The following EMC2 variants were observed in gnomAD, a reference collection of about 807,000 sequenced individuals.
The protein encoded by EMC2 is TPR repeat protein 35.
A neutral mutation model predicts 51.6 loss-of-function variants in EMC2; 37 were observed. The ratio of observed to expected loss-of-function variants is 0.72; its 90% CI spans 0.55 to 0.94. EMC2 has a LOEUF of 0.94. Among genes scored for constraint, EMC2 ranks in the 40% least tolerant of loss-of-function variants. The pLI, the probability that EMC2 is intolerant of heterozygous loss-of-function variation, is 0.00. For missense variants in EMC2, 359 were observed against 350.9 expected (o/e 1.02, Z -0.18); for synonymous variants, 131 against 112.4 (o/e 1.17, Z -1.04).
chr8:108,455,406 C>CT (rs1819126049), intron 4 of EMC2, among the ~76,000 whole-genome samples: 1 of 151,998 alleles, frequency 6.6e-6, no homozygotes, highest in Non-Finnish European at 1.5e-5. Context: ...TCTTTTGATT[C>CT]TTTTTTAGAG....
In EMC2 at chr8:108,449,898, A is replaced by T; in HGVS notation, c.116A>T (p.Glu39Val). 6.3e-7 allele frequency: 1 copy of T among 1,588,760 alleles called. No homozygotes were observed. Among genetic ancestry groups the T allele is most frequent in the South Asian group, 1.1e-5 (1 of 90,462 alleles). ...NSEQIVEVGE[E>V]LINEYASKLG... ...GAGCAAATTGTGGAAGTTGGAGAAG[A>T]ATTAATTAATGAATATGCTTCTAAG... The change falls in exon 2 of 11, where the codon GAA becomes GTA. Residue 39 changes from glutamate (E) to valine (V), a missense_variant. By Grantham distance (121) the Glu-to-Val change is moderately radical (BLOSUM62 -2). Transcript: ENST00000220853.
intron 4 of EMC2, among the ~76,000 whole-genome samples, chr8:108,454,193 G>T (rs967840255): frequency 3.3e-5 from 5 of 151,970 alleles, no homozygotes; most frequent in African/African-American, 1.2e-4. Flanking sequence ...GGTATACTTA[G>T]ACCATTTACA....
rs191952558 is a variant in EMC2 at position 108,450,606 on chromosome 8, T to C, written c.219+114T>C. The C allele has an allele frequency of 1.1e-4, 79 of 736,906 alleles. No individual in the cohort carries two copies. In the African/African-American group the frequency reaches 1.1e-3, roughly 10 times the overall value. The allele number at this position is 736,906 out of a possible 1,614,324, so 45.6% of individuals were successfully genotyped here. A position where few individuals can be genotyped will look rare whatever the true frequency, so the allele number is the denominator to read the frequency against. ...TTCAATAGCTAGTTTTGAGTGCTAC[T>C]CTGAACAGTAAGTGGAACTAACTAG... On this transcript the variant is annotated intron_variant, in intron 3 of 10. Coordinates refer to ENST00000220853, the MANE Select transcript of EMC2 (RefSeq NM_014673.5).
intron 9 of EMC2, among the ~76,000 whole-genome samples, chr8:108,478,503 ATC>A (rs1810986903): frequency 6.6e-6 from 1 of 152,082 alleles, no homozygotes; most frequent in Admixed American, 6.6e-5. Flanking sequence ...GTCAAGTTAA[ATC>A]TCTCTTATTG....
At chr8:108,463,978 C>T (rs1819400794) in intron 5 of EMC2, 1 of 152,518 alleles carries the variant, frequency 6.6e-6, no homozygotes, top group African/African-American at 2.4e-5. Context: ...GTGTCACTCA[C>T]ATTTCCCTGG....
chr8:108,461,900 C>G (rs1819331560), intron 5 of EMC2, among the ~76,000 whole-genome samples: 2 of 152,106 alleles, frequency 1.3e-5, no homozygotes, highest in South Asian at 4.1e-4. Flanking sequence ...CCTCCGCCTC[C>G]CGGGTTCAAG....
chr8:108,446,773 T>C (rs1478581437), intron 1 of EMC2, among the ~76,000 whole-genome samples: 1 of 152,200 alleles, frequency 6.6e-6, no homozygotes, highest in Non-Finnish European at 1.5e-5. Context: ...TTTAGATAAA[T>C]GTATTTAAGG....
chr8:108,478,043 C>T (rs1340563738), intron 9 of EMC2, among the ~76,000 whole-genome samples: 1 of 151,888 alleles, frequency 6.6e-6, no homozygotes, highest in Non-Finnish European at 1.5e-5. Flanking sequence ...TGCTAAAATT[C>T]ATAAGAAGAA....
rs1003250703 is a variant in EMC2 at position 108,486,386 on chromosome 8, A to G, written c.808-126A>G. 3.1e-6 allele frequency: 4 copies of G among 1,289,026 alleles called. No homozygotes were observed. In the African/African-American group the frequency reaches 4.6e-5, roughly 15 times the overall value. 79.8% of individuals were successfully genotyped at this position (1,289,026 alleles called of 1,614,324 possible). ...TATTCTTATTGAAAAAGCAAAGAAT[A>G]TATTTGATTTCCTACTAGTGATAAA... is the stretch of plus-strand genomic sequence containing the variant. On this transcript the variant is annotated intron_variant, in intron 10 of 10. Transcript: ENST00000220853.
At chr8:108,481,948 T>A (rs1025755151) in intron 10 of EMC2, among the ~76,000 whole-genome samples, 9 of 152,200 alleles carry the variant, frequency 5.9e-5, no homozygotes, top group Non-Finnish European at 1.3e-4. Context: ...TTGGAATATT[T>A]TCTGTTTGGG....
chr8:108,460,952 A>G (rs1819304927), intron 5 of EMC2, among the ~76,000 whole-genome samples: 1 of 152,226 alleles, frequency 6.6e-6, no homozygotes, highest in South Asian at 2.1e-4. Flanking sequence ...TAGTAAGAGT[A>G]GAGATACTGT....
chr8:108,457,846 C>A (rs760287341), intron 5 of EMC2, among the ~76,000 whole-genome samples: 8 of 152,182 alleles, frequency 5.3e-5, no homozygotes, highest in Non-Finnish European at 1.2e-4. Context: ...CCAACAGTCT[C>A]CGAAAGTCTT....
Position 108,486,633 on chromosome 8 carries a change from C to A in EMC2, c.*35C>A, listed in dbSNP as rs771648550. Reference sequence around the variant, plus strand: ...AACTCTTTGACATTAGATTTCACAACTGCACAATTGAACTTATTGGCCTGT... The same window carrying A: ...AACTCTTTGACATTAGATTTCACAAATGCACAATTGAACTTATTGGCCTGT... On this transcript the variant is annotated 3_prime_UTR_variant, in exon 11 of 11. Coordinates refer to ENST00000220853, the MANE Select transcript of EMC2 (RefSeq NM_014673.5). 2 of 1,563,388 alleles carry A rather than the reference C, an allele frequency of 1.3e-6. No homozygotes were observed. Among genetic ancestry groups the A allele is most frequent in the Non-Finnish European group, 1.7e-6 (2 of 1,157,462 alleles).
intron 7 of EMC2, chr8:108,475,675 C>T: frequency 2.1e-6 from 1 of 477,368 alleles, no homozygotes; most frequent in African/African-American, 2.1e-5. Flanking sequence ...AGATTTAAGC[C>T]TGTGTTTATT....
chr8:108,449,986 C>CTT (rs35895559), intron 2 of EMC2, 50 bp downstream of exon 2: 94 of 493,496 alleles, frequency 1.9e-4, no homozygotes, highest in South Asian at 2.6e-4. Flanking sequence ...ATTCATGGGC[C>CTT]TTTTTTTTTT....
chr8:108,481,802 G>A (rs1811048940), intron 10 of EMC2, among the ~76,000 whole-genome samples: 1 of 152,072 alleles, frequency 6.6e-6, no homozygotes, highest in Admixed American at 6.6e-5. Flanking sequence ...GAATCAGCCA[G>A]TATGTATTCA....
rs1196906147 is a variant in EMC2 at position 108,488,346 on chromosome 8, G to A, written c.*1748G>A. On this transcript the variant is annotated 3_prime_UTR_variant, in exon 11 of 11. Coordinates refer to ENST00000220853, the MANE Select transcript of EMC2 (RefSeq NM_014673.5). Reference sequence around the variant, plus strand: ...TGGCTAATTTTGTATTTTTAGTAGAGATGGGGTTTCACCATGTTGGCCAGG... The same window carrying A: ...TGGCTAATTTTGTATTTTTAGTAGAAATGGGGTTTCACCATGTTGGCCAGG... Among the ~76,000 whole-genome samples, 1 of 151,946 alleles carries A rather than the reference G, an allele frequency of 6.6e-6. No individual in the cohort carries two copies. The highest frequency in any genetic ancestry group is 1.5e-5 in the Non-Finnish European group (1 of 67,992).
At chr8:108,453,959 A>T (rs1214306495) in intron 4 of EMC2, among the ~76,000 whole-genome samples, 1 of 152,116 alleles carries the variant, frequency 6.6e-6, no homozygotes. Flanking sequence ...CCTTTATATT[A>T]TGTAATGCCT....
intron 10 of EMC2, among the ~76,000 whole-genome samples, chr8:108,480,058 G>A (rs1320321747): frequency 1.3e-5 from 2 of 151,976 alleles, no homozygotes; most frequent in African/African-American, 4.8e-5. Flanking sequence ...GATTATTCTT[G>A]GGTCAGTTTT....
Sources: gnomAD v4.1 joint callset for allele counts (sites outside exome capture counted in the v4.1 genomes callset) on GRCh38, gnomAD v4.1.1 for gene constraint, MANE v1.5 for transcripts, NCBI Gene and HGNC (gene_info 2026-07-23, HGNC 2026-07-21) for gene names.